Variants in CA10 observed in about 807,000 individuals in gnomAD.
The protein encoded by CA10 is carbonic anhydrase 10 (inactive).
Under a neutral mutation model 44.2 loss-of-function variants are expected in CA10, and 14 were observed. That is an observed-to-expected ratio of 0.32 (90% CI 0.21 to 0.50). The LOEUF is 0.50. Ranked by LOEUF, CA10 falls within the 20% of genes least tolerant of loss-of-function variation. The pLI is 0.99. For missense variants in CA10, 350 were observed against 409.7 expected (o/e 0.85, Z 1.26); for synonymous variants, 159 against 141.6 (o/e 1.12, Z -0.87).
chr17:51,671,997 A>G (rs546316559), intron 4 of CA10, among the ~76,000 whole-genome samples: 2 of 152,322 alleles, frequency 1.3e-5, no homozygotes, highest in South Asian at 2.1e-4. Context: ...TTGCCACTTC[A>G]TAACTGTGAC....
chr17:51,846,967 C>T (rs1265909928), intron 3 of CA10, among the ~76,000 whole-genome samples: 1 of 152,108 alleles, frequency 6.6e-6, no homozygotes, highest in Non-Finnish European at 1.5e-5. Context: ...ATTAGGTGTG[C>T]TGATAGTTGC....
chr17:51,878,829 C>T (rs1439063113), intron 3 of CA10, among the ~76,000 whole-genome samples: 1 of 37,106 alleles, frequency 2.7e-5, no homozygotes, highest in African/African-American at 7.6e-5. Context: ...TTTTCATGTT[C>T]ATATATATAT....
chr17:51,657,569 G>A (rs1431122999), intron 4 of CA10, among the ~76,000 whole-genome samples: 1 of 152,192 alleles, frequency 6.6e-6, no homozygotes, highest in Non-Finnish European at 1.5e-5. Flanking sequence ...TAGGGACAGA[G>A]TATCAGATTG....
chr17:52,156,390 C>G (rs2143426778), intron 1 of CA10, among the ~76,000 whole-genome samples: 1 of 152,260 alleles, frequency 6.6e-6, no homozygotes, highest in East Asian at 1.9e-4. Flanking sequence ...TTCTTGTCTG[C>G]CAGGTACACA....
At chr17:51,811,295 ATTTT>A (rs71149380) in intron 3 of CA10, among the ~76,000 whole-genome samples, 1 of 151,992 alleles carries the variant, frequency 6.6e-6, no homozygotes, top group Non-Finnish European at 1.5e-5. Flanking sequence ...TGAGTGGCTG[ATTTT>A]TTTATTATAC....
chr17:51,687,654 C>G (rs1049726372), intron 4 of CA10, among the ~76,000 whole-genome samples: 1 of 152,140 alleles, frequency 6.6e-6, no homozygotes, highest in Non-Finnish European at 1.5e-5. Flanking sequence ...AAAGACATCA[C>G]TGTGGTTCTA....
intron 2 of CA10, among the ~76,000 whole-genome samples, chr17:52,063,779 A>G (rs1481222480): frequency 6.6e-6 from 1 of 152,126 alleles, no homozygotes; most frequent in Non-Finnish European, 1.5e-5. Flanking sequence ...GAATCTCTTT[A>G]TCTCAAAATT....
rs146844354 is a variant in CA10, at chr17:51,950,471, C to T, written c.137-19339G>A. Among the ~76,000 whole-genome samples, 267 of 152,224 alleles carry T rather than the reference C, an allele frequency of 1.8e-3. No homozygotes were observed. The Middle Eastern group carries it at 0.031, about 17-fold the overall frequency. On this transcript the variant is annotated intron_variant, in intron 2 of 8. Transcript: ENST00000451037. Reference sequence around the variant, plus strand: ...GAGGGTGAGAAGAGAGATGCCTGGACGTTTATTCCATCAGCAACCACCCTT... The same window carrying T: ...GAGGGTGAGAAGAGAGATGCCTGGATGTTTATTCCATCAGCAACCACCCTT...
chr17:51,903,573 T>C (rs901162144), intron 3 of CA10, among the ~76,000 whole-genome samples: 1 of 152,174 alleles, frequency 6.6e-6, no homozygotes, highest in African/African-American at 2.4e-5. Context: ...TGAAGCATCC[T>C]CTGCTGAGGG....
In CA10 at chr17:51,698,159, G is replaced by T. The variant is rs557841891; in HGVS notation, c.466-44423C>A. ...CATCACCTTGCCAGACACAGCAGAT[G>T]CTGCTGCTGCTACTGTTGCTGCTTC... is the stretch of plus-strand genomic sequence containing the variant. On this transcript the variant is annotated intron_variant, in intron 4 of 8. Transcript: ENST00000451037. Among the ~76,000 whole-genome samples, 114 of 152,308 alleles carry T rather than the reference G, an allele frequency of 7.5e-4. 2 individuals are homozygous for T. Among genetic ancestry groups the T allele is most frequent in the Non-Finnish European group, 9.1e-4 (62 of 68,026 alleles).
At chr17:51,660,902 C>T (rs1332137080) in intron 4 of CA10, among the ~76,000 whole-genome samples, 1 of 152,024 alleles carries the variant, frequency 6.6e-6, no homozygotes, top group Non-Finnish European at 1.5e-5. Flanking sequence ...AGAACACATG[C>T]TTATTCTGTT....
chr17:51,865,890 A>G (rs1979525015), intron 3 of CA10, among the ~76,000 whole-genome samples: 1 of 152,246 alleles, frequency 6.6e-6, no homozygotes, highest in South Asian at 2.1e-4. Context: ...AAATATTCAC[A>G]GAGGAAACCA....
chr17:51,632,767 A>G (rs1912641052), intron 8 of CA10, among the ~76,000 whole-genome samples: 1 of 152,162 alleles, frequency 6.6e-6, no homozygotes, highest in African/African-American at 2.4e-5. Context: ...TTCTTTCCAC[A>G]CTGAGTGTTT....
In CA10 at chr17:52,048,002, A is replaced by G. The variant is rs568827624; in HGVS notation, c.136+24317T>C. On this transcript the variant is annotated intron_variant, in intron 2 of 8. Coordinates refer to ENST00000451037, the MANE Select transcript of CA10 (RefSeq NM_020178.5). ...AATTTTCAAGACTTGCTTCTCATCT[A>G]TACACCAATGGCTCCATCCAATCTC... Among the ~76,000 whole-genome samples, 9 of 151,628 alleles carry G rather than the reference A, an allele frequency of 5.9e-5. 1 individual carries two copies. In the East Asian group the frequency reaches 1.8e-3, roughly 30 times the overall value.
intron 3 of CA10, among the ~76,000 whole-genome samples, chr17:51,822,339 AC>A (rs538680665): frequency 1.5e-3 from 221 of 152,244 alleles, no homozygotes; most frequent in African/African-American, 4.7e-3. Context: ...AATAGCTCGA[AC>A]TGGGAGGGAG....
intron 2 of CA10, among the ~76,000 whole-genome samples, chr17:51,996,825 T>C (rs1198148947): frequency 6.6e-6 from 1 of 151,920 alleles, no homozygotes. Context: ...AGCAAAAACT[T>C]ACCTTGTAAA....
chr17:52,010,375 T>C (rs934178380), intron 2 of CA10, among the ~76,000 whole-genome samples: 3 of 151,822 alleles, frequency 2.0e-5, no homozygotes, highest in Non-Finnish European at 4.4e-5. Context: ...AATGAGTGGA[T>C]AAAGAAAATG....
intron 3 of CA10, among the ~76,000 whole-genome samples, chr17:51,910,389 T>C (rs1403406371): frequency 6.6e-6 from 1 of 152,172 alleles, no homozygotes; most frequent in Non-Finnish European, 1.5e-5. Context: ...TTCCTGATGG[T>C]GCACAGCTTC....
chr17:51,934,301 C>T (rs572744344), intron 2 of CA10, among the ~76,000 whole-genome samples: 11 of 152,086 alleles, frequency 7.2e-5, no homozygotes, highest in South Asian at 6.2e-4. Flanking sequence ...CAGGTAGAGG[C>T]GAGGAAGGAC....
Sources: allele counts gnomAD v4.1 joint callset (sites outside exome capture counted in the v4.1 genomes callset), GRCh38; gene constraint gnomAD v4.1.1; transcripts MANE v1.5; gene names NCBI Gene and HGNC (gene_info 2026-07-23, HGNC 2026-07-21).